RNF44: variants seen among roughly 807,000 people sequenced by gnomAD.
RNF44 encodes ring finger protein 44.
In RNF44, 25 loss-of-function variants were observed where a neutral mutation model predicts 53.6. The ratio of observed to expected loss-of-function variants is 0.47; its 90% CI spans 0.34 to 0.65. The LOEUF is 0.65. Ranked by LOEUF, RNF44 falls within the 30% of genes least tolerant of loss-of-function variation. The pLI is 0.01. For missense variants in RNF44, 581 were observed against 595.5 expected (o/e 0.98, Z 0.25); for synonymous variants, 282 against 252.2 (o/e 1.12, Z -1.12).
chr5:176,542,546 A>G (rs1757472301), upstream of RNF44: 1 of 152,122 alleles, frequency 6.6e-6, no homozygotes, highest in African/African-American at 2.4e-5. Context: ...TTCAGTGATG[A>G]AAACCGAGGG....
In RNF44 at chr5:176,530,642, C is replaced by T. The variant is rs143954446; in HGVS notation, c.741G>A (p.Pro247=). The T allele has an allele frequency of 2.1e-3, 3,183 of 1,522,394 alleles. 10 individuals carry two copies. The highest frequency in any genetic ancestry group is 2.5e-3 in the Non-Finnish European group (2,863 of 1,137,606). The allele number at this position is 1,522,394 out of a possible 1,614,324, so 94.3% of individuals were successfully genotyped here. A position where few individuals can be genotyped will look rare whatever the true frequency, so the allele number is the denominator to read the frequency against. ...GGGGCAGGTAGTGCAGGGGCACCGACGGGGAAAGGGCTGGGCCAGGCGCAG... is the reference window on the plus strand; with the variant it reads ...GGGGCAGGTAGTGCAGGGGCACCGATGGGGAAAGGGCTGGGCCAGGCGCAG... ...STSAPGPALS[P]SVPLHYLPHD... The change falls in exon 6 of 11, where the codon CCG becomes CCA. Residue 247 remains proline, a synonymous_variant. Transcript: ENST00000274811.
chr5:176,534,488 A>G (rs1756984362), intron 1 of RNF44, among the ~76,000 whole-genome samples: 1 of 152,188 alleles, frequency 6.6e-6, no homozygotes, highest in South Asian at 2.1e-4. Flanking sequence ...CCAAGCAAAC[A>G]ACGGCCAAGG....
chr5:176,534,903 G>A (rs1459598249), intron 1 of RNF44, among the ~76,000 whole-genome samples: 1 of 152,230 alleles, frequency 6.6e-6, no homozygotes, highest in African/African-American at 2.4e-5. Flanking sequence ...CAGCAGCCTT[G>A]ACTGCTCCTC....
chr5:176,534,238 T>C (rs1371330234), intron 1 of RNF44, among the ~76,000 whole-genome samples: 1 of 152,220 alleles, frequency 6.6e-6, no homozygotes. Context: ...CTGGCAGCAA[T>C]GCCAACAACT....
chr5:176,529,850 C>A, intron 7 of RNF44, 32 bp from the exon 8 acceptor site: 2 of 1,558,984 alleles, frequency 1.3e-6, no homozygotes, highest in South Asian at 2.5e-5. Flanking sequence ...GGCCCAGGGT[C>A]AAGGTCAGGA....
At position 176,528,745 on chromosome 5, in the gene RNF44, A is replaced by G. The variant is rs917486218; in HGVS notation, c.*283T>C. 1.6e-5 allele frequency: 8 copies of G among 505,732 alleles called. No homozygotes were observed. The highest frequency in any genetic ancestry group is 1.0e-3 in the Middle Eastern group (2 of 1,908). The allele number at this position is 505,732 out of a possible 1,614,324, so 31.3% of individuals were successfully genotyped here. A position where few individuals can be genotyped will look rare whatever the true frequency, so the allele number is the denominator to read the frequency against. On this transcript the variant is annotated 3_prime_UTR_variant, in exon 11 of 11. Transcript: ENST00000274811. Reference sequence around the variant, plus strand: ...GGCACTCAGTGCCAGCAGGAAAAGGAGGGACCTGAGGGTGCACAGGAGGGA... The same window carrying G: ...GGCACTCAGTGCCAGCAGGAAAAGGGGGGACCTGAGGGTGCACAGGAGGGA...
At chr5:176,532,277 C>G (rs1004682991) in intron 2 of RNF44, 84 bp from the exon 3 acceptor site, 1 of 1,516,676 alleles carries the variant, frequency 6.6e-7, no homozygotes, top group Non-Finnish European at 8.8e-7. Flanking sequence ...GTGACTCCCC[C>G]CATGGGGAGG....
At chr5:176,529,426 C>T in intron 9 of RNF44, 39 bp from the exon 10 acceptor site, 1 of 1,603,458 alleles carries the variant, frequency 6.2e-7, no homozygotes, top group South Asian at 1.1e-5. Context: ...ACGCTGAGGG[C>T]CATGGGAAGG....
upstream of RNF44, among the ~76,000 whole-genome samples, chr5:176,538,456 A>G (rs1457540208): frequency 6.6e-6 from 1 of 152,194 alleles, no homozygotes; most frequent in Non-Finnish European, 1.5e-5. Flanking sequence ...AAATTTATAC[A>G]AAATGGGGTA....
At position 176,528,772 on chromosome 5, in the gene RNF44, A is replaced by G. The variant is rs1177819199; in HGVS notation, c.*256T>C. ...GGACCTGAGGGTGCACAGGAGGGAG[A>G]CCCGATCAGGGACACTCAGGCAGCT... On this transcript the variant is annotated 3_prime_UTR_variant, in exon 11 of 11. Transcript: ENST00000274811. The G allele has an allele frequency of 1.1e-5, 6 of 564,218 alleles. No homozygotes were observed. The highest frequency in any genetic ancestry group is 1.9e-5 in the Non-Finnish European group (6 of 317,270). 35.0% of individuals were successfully genotyped at this position (564,218 alleles called of 1,614,324 possible). A position where few individuals can be genotyped will look rare whatever the true frequency, so the allele number is the denominator to read the frequency against.
Position 176,530,654 on chromosome 5 carries a change from T to G in RNF44, c.729A>C (p.Pro243=). The G allele has an allele frequency of 6.5e-7, 1 of 1,532,916 alleles. No homozygotes were observed. 95.0% of individuals were successfully genotyped at this position (1,532,916 alleles called of 1,614,324 possible). A position where few individuals can be genotyped will look rare whatever the true frequency, so the allele number is the denominator to read the frequency against. Residue 243 remains proline, a synonymous_variant, in exon 6 of 11, where the codon CCA becomes CCC. Coordinates refer to ENST00000274811, the MANE Select transcript of RNF44 (RefSeq NM_014901.5). ...SFTYSTSAPG[P]ALSPSVPLHY... ...GCAGGGGCACCGACGGGGAAAGGGC[T>G]GGGCCAGGCGCAGAGGTGGAGTAGG...
upstream of RNF44, among the ~76,000 whole-genome samples, chr5:176,540,542 A>G (rs1031496307): frequency 2.6e-5 from 4 of 152,138 alleles, no homozygotes; most frequent in Non-Finnish European, 5.9e-5. Context: ...TGGCTTCCTC[A>G]GTGTTAGGAT....
chr5:176,534,610 A>G (rs756785331), intron 1 of RNF44, among the ~76,000 whole-genome samples: 16 of 152,258 alleles, frequency 1.1e-4, no homozygotes, highest in Non-Finnish European at 1.5e-5. Context: ...GATGTTTAAC[A>G]AATTCCCCAG....
chr5:176,529,020 G>C lies in RNF44; in HGVS notation c.*8C>G. Reference sequence around the variant, plus strand: ...GCAGGGTTCTCCCGGGCAGGCGGCTGCGTGGCCTCACTCAGCCTCCCTGGG... The same window carrying C: ...GCAGGGTTCTCCCGGGCAGGCGGCTCCGTGGCCTCACTCAGCCTCCCTGGG... On this transcript the variant is annotated 3_prime_UTR_variant, in exon 11 of 11. Coordinates refer to ENST00000274811, the MANE Select transcript of RNF44 (RefSeq NM_014901.5). 2 of 1,610,846 alleles carry C rather than the reference G, an allele frequency of 1.2e-6. No homozygotes were observed. Among genetic ancestry groups the C allele is most frequent in the Non-Finnish European group, 1.7e-6 (2 of 1,179,114 alleles).
upstream of RNF44, among the ~76,000 whole-genome samples, chr5:176,538,406 G>A (rs1471027539): frequency 6.6e-6 from 1 of 152,150 alleles, no homozygotes; most frequent in Non-Finnish European, 1.5e-5. Context: ...CCAAAGCCGA[G>A]CCTCGTTCTC....
chr5:176,541,005 C>T (rs1757435567), upstream of RNF44, among the ~76,000 whole-genome samples: 1 of 152,210 alleles, frequency 6.6e-6, no homozygotes, highest in African/African-American at 2.4e-5. Context: ...GGCCTGCACA[C>T]CTACTGTGCG....
At position 176,529,781 on chromosome 5, in the gene RNF44, T is replaced by G; in HGVS notation, c.964A>C (p.Thr322Pro). ...TCCACGTCCAGGTCCAGGCTGATGG[T>G]GGGCCCCATTGCTGTTGGTGACATT... is the stretch of plus-strand genomic sequence containing the variant. ...LPMSPTAMGPTISLDLDVDDV... is the reference protein window; with the variant it reads ...LPMSPTAMGPPISLDLDVDDV... The change falls in exon 8 of 11, where the codon ACC becomes CCC. Residue 322 changes from threonine to proline, a missense_variant. Physicochemically the swap from Thr to Pro is conservative, Grantham distance 38. Coordinates refer to ENST00000274811, the MANE Select transcript of RNF44 (RefSeq NM_014901.5). 1 of 1,610,998 alleles carries G rather than the reference T, an allele frequency of 6.2e-7. No homozygotes were observed. Among genetic ancestry groups the G allele is most frequent in the Non-Finnish European group, 8.5e-7 (1 of 1,178,446 alleles).
chr5:176,527,087 T>C lies in RNF44; in HGVS notation c.*1941A>G, dbSNP rs1045356800. On this transcript the variant is annotated 3_prime_UTR_variant, in exon 11 of 11. Transcript: ENST00000274811. ...CTACATATATATGTAATTTTATATA[T>C]ATATAAAACCTTTCTAACACAGAAC... 1.6e-4 allele frequency: 24 copies of C among 152,106 alleles called. No individual in the cohort carries two copies. The highest frequency in any genetic ancestry group is 7.2e-4 in the Admixed American group (11 of 15,246). The allele number at this position is 152,106 out of a possible 1,614,324, so 9.4% of individuals were successfully genotyped here.
chr5:176,528,969 C>T lies in RNF44; in HGVS notation c.*59G>A. ...ACTCCCTCCCCATCCTCCCTGGGCC[C>T]CACCCACAAGTTTCCAGAGCTTCAG... On this transcript the variant is annotated 3_prime_UTR_variant, in exon 11 of 11. Transcript: ENST00000274811. 1 of 1,541,230 alleles carries T rather than the reference C, an allele frequency of 6.5e-7. No homozygotes were observed. The highest frequency in any genetic ancestry group is 1.4e-5 in the African/African-American group (1 of 73,726).
Sources: allele counts gnomAD v4.1 joint callset (sites outside exome capture counted in the v4.1 genomes callset), GRCh38; gene constraint gnomAD v4.1.1; transcripts MANE v1.5; gene names NCBI Gene and HGNC (gene_info 2026-07-23, HGNC 2026-07-21).